ZNF160: variants seen among roughly 807,000 people sequenced by gnomAD.
ZNF160 encodes the protein zinc finger protein 160, also known as KRAB zinc finger protein KR18.
In ZNF160, 9 loss-of-function variants were observed where a neutral mutation model predicts 13.1. The ratio of observed to expected loss-of-function variants is 0.69; its 90% CI spans 0.41 to 1.20. The LOEUF is 1.20. Ranked by LOEUF, ZNF160 falls within the 50% of genes most tolerant of loss-of-function variation. The probability of loss-of-function intolerance (pLI) is 0.01; values close to 1 mark genes in which losing one functional copy is unlikely to be tolerated. For synonymous variants in ZNF160, 293 were observed against 333.2 expected (o/e 0.88, Z 1.31); for missense variants, 838 against 988.0 (o/e 0.85, Z 2.04).
At position 53,103,332 on chromosome 19, in the gene ZNF160, G is replaced by C. The variant is rs914874788; in HGVS notation, c.-421C>G. 2 of 152,116 alleles carry C rather than the reference G, an allele frequency of 1.3e-5. No individual in the cohort carries two copies. The highest frequency in any genetic ancestry group is 4.1e-4 in the South Asian group (2 of 4,826). The allele number at this position is 152,116 out of a possible 1,614,324, so 9.4% of individuals were successfully genotyped here. On this transcript the variant is annotated 5_prime_UTR_variant, in exon 1 of 6. Coordinates refer to ENST00000683776, the MANE Select transcript of ZNF160 (RefSeq NM_001322131.2). ...ACCCCCGGGCATCGGGTGTGCGAAT[G>C]GGGGACGGCGAGGCGCAGGTTGAGT...
At chr19:53,097,415 C>T (rs1172713882) in intron 1 of ZNF160, among the ~76,000 whole-genome samples, 2 of 151,322 alleles carry the variant, frequency 1.3e-5, no homozygotes, top group African/African-American at 2.5e-5. Context: ...CTCAGACACG[C>T]TTACAAACTC....
intron 1 of ZNF160, among the ~76,000 whole-genome samples, chr19:53,096,522 CA>C (rs1445221295): frequency 6.7e-6 from 1 of 148,356 alleles, no homozygotes; most frequent in Non-Finnish European, 1.5e-5. Flanking sequence ...CTAAATTCTG[CA>C]AAAAGAAGAG....
rs537602798 is a variant in ZNF160, at chr19:53,097,364, C to G, written c.-353-5644G>C. On this transcript the variant is annotated intron_variant, in intron 1 of 5. Coordinates refer to ENST00000683776, the MANE Select transcript of ZNF160 (RefSeq NM_001322131.2). ...CACAACAAACCCTCCCTAATGAAAGCCATCTGCGCCTGATTCTTAGGATCC... is the reference window on the plus strand; with the variant it reads ...CACAACAAACCCTCCCTAATGAAAGGCATCTGCGCCTGATTCTTAGGATCC... Among the ~76,000 whole-genome samples, 270 of 148,958 alleles carry G rather than the reference C, an allele frequency of 1.8e-3. 1 individual carries two copies. Among genetic ancestry groups the G allele is most frequent in the South Asian group, 8.5e-3 (39 of 4,576 alleles).
At chr19:53,097,382 T>C (rs2146016375) in intron 1 of ZNF160, among the ~76,000 whole-genome samples, 1 of 147,548 alleles carries the variant, frequency 6.8e-6, no homozygotes, top group African/African-American at 2.5e-5. Flanking sequence ...GCCTGATTCT[T>C]AGGATCCCCG....
Sources: allele counts gnomAD v4.1 joint callset (sites outside exome capture counted in the v4.1 genomes callset), GRCh38; gene constraint gnomAD v4.1.1; transcripts MANE v1.5; gene names NCBI Gene and HGNC (gene_info 2026-07-23, HGNC 2026-07-21).